The following SEL1L2 variants were observed in gnomAD, a reference collection of about 807,000 sequenced individuals.
The protein encoded by SEL1L2 is protein sel-1 homolog 2.
In SEL1L2, 89 loss-of-function variants were observed where a neutral mutation model predicts 98.8. The ratio of observed to expected loss-of-function variants is 0.90; its 90% CI spans 0.76 to 1.07. The LOEUF (loss-of-function observed/expected upper bound fraction) is 1.07, where lower values mean the gene tolerates loss of function less well. Among genes scored for constraint, SEL1L2 ranks in the 50% least tolerant of loss-of-function variants. The probability of loss-of-function intolerance (pLI) is 0.00; values close to 1 mark genes in which losing one functional copy is unlikely to be tolerated. For synonymous variants in SEL1L2, 262 were observed against 278.5 expected, an observed-to-expected ratio of 0.94 and a Z score of 0.59; for missense variants, 788 against 812.0, an observed-to-expected ratio of 0.97 and a Z score of 0.36.
At chr20:13,949,702 CA>C (rs1399140632) in intron 2 of SEL1L2, among the ~76,000 whole-genome samples, 1 of 124,496 alleles carries the variant, frequency 8.0e-6, no homozygotes, top group South Asian at 2.5e-4. Flanking sequence ...AAAAACCAAA[CA>C]AACAAAAAAG....
rs1180316348 is a variant in SEL1L2 at position 13,865,435 on chromosome 20, AT to A, written c.1483del (p.Ile495Ter). 6.2e-7 allele frequency: 1 copy of A among 1,614,028 alleles called. No homozygotes were observed. The highest frequency in any genetic ancestry group is 8.5e-7 in the Non-Finnish European group (1 of 1,179,964). On this transcript the variant is annotated frameshift_variant, in exon 16 of 20. Coordinates refer to ENST00000284951, the MANE Select transcript of SEL1L2 (RefSeq NM_025229.2). LOFTEE classifies it high-confidence loss of function. ...TAYFAYKDGD[I>X]DSSLVQYALL... ...TGCATACTGAACAAGAGAAGAATCT[AT>A]ATCACCATCCTTATAGGCAAAGTAA...
chr20:13,932,292 T>C (rs774367051), intron 2 of SEL1L2, among the ~76,000 whole-genome samples: 19 of 152,066 alleles, frequency 1.2e-4, no homozygotes, highest in South Asian at 6.2e-4. Context: ...TTCTGAGTAG[T>C]AGAAAATAAT....
At chr20:13,931,919 C>A in intron 2 of SEL1L2, 148 bp from the exon 3 acceptor site, 1 of 527,276 alleles carries the variant, frequency 1.9e-6, no homozygotes, top group Non-Finnish European at 3.1e-6. Context: ...ATCAAAATGA[C>A]AGATGGCTTA....
chr20:13,882,559 C>G (rs537699774), intron 10 of SEL1L2, among the ~76,000 whole-genome samples: 1 of 152,120 alleles, frequency 6.6e-6, no homozygotes, highest in Non-Finnish European at 1.5e-5. Flanking sequence ...CAGTCATTCT[C>G]GCAGTCACAG....
At chr20:13,864,518 C>T (rs958568371) in intron 17 of SEL1L2, among the ~76,000 whole-genome samples, 3 of 152,100 alleles carry the variant, frequency 2.0e-5, no homozygotes, top group African/African-American at 4.8e-5. Context: ...TAAGAGACAT[C>T]GCAATGCAAT....
chr20:13,867,357 C>T (rs540469566), intron 14 of SEL1L2, among the ~76,000 whole-genome samples: 13 of 152,336 alleles, frequency 8.5e-5, no homozygotes, highest in Non-Finnish European at 1.3e-4. Flanking sequence ...GAGCAGAGAA[C>T]CAGCAGACTC....
intron 18 of SEL1L2, among the ~76,000 whole-genome samples, chr20:13,857,481 C>T (rs1410582368): frequency 6.6e-6 from 1 of 152,266 alleles, no homozygotes; most frequent in Non-Finnish European, 1.5e-5. Flanking sequence ...CAGCTGGGCA[C>T]TGGCCAGCAG....
chr20:13,930,822 T>G (rs1392150674), intron 3 of SEL1L2, among the ~76,000 whole-genome samples: 1 of 152,124 alleles, frequency 6.6e-6, no homozygotes, highest in Non-Finnish European at 1.5e-5. Context: ...CTATTGCTCT[T>G]ATTAGCAGTG....
At chr20:13,913,655 A>T in intron 5 of SEL1L2, 127 bp downstream of exon 5, 1 of 837,112 alleles carries the variant, frequency 1.2e-6, no homozygotes, top group Non-Finnish European at 1.7e-6. Context: ...TCAGTGCATT[A>T]TGGTAACCTC....
intron 1 of SEL1L2, among the ~76,000 whole-genome samples, chr20:13,969,331 T>C (rs1051358804): frequency 3.3e-5 from 5 of 152,202 alleles, no homozygotes; most frequent in African/African-American, 7.2e-5. Context: ...CATCACTTTC[T>C]CAAGCTCCAA....
intron 12 of SEL1L2, among the ~76,000 whole-genome samples, chr20:13,870,503 A>G (rs1310334903): frequency 6.6e-6 from 1 of 152,214 alleles, no homozygotes; most frequent in Non-Finnish European, 1.5e-5. Context: ...GGTGAAAGGT[A>G]AAAGATGAAG....
intron 1 of SEL1L2, among the ~76,000 whole-genome samples, chr20:13,976,363 G>T (rs1420473313): frequency 2.6e-5 from 4 of 152,010 alleles, no homozygotes; most frequent in Non-Finnish European, 5.9e-5. Flanking sequence ...ACTTAAGATA[G>T]ACCTTAAAAG....
At chr20:13,939,040 G>GTTTTTTTTTTTTT (rs386365633) in intron 2 of SEL1L2, among the ~76,000 whole-genome samples, 11 of 114,084 alleles carry the variant, frequency 9.6e-5, no homozygotes, top group African/African-American at 3.8e-4. Context: ...TGCTTGTTTT[G>GTTTTTTTTTTTTT]TTTTTTTTTT....
intron 1 of SEL1L2, among the ~76,000 whole-genome samples, chr20:13,959,422 G>T (rs2050685404): frequency 6.6e-6 from 1 of 152,140 alleles, no homozygotes; most frequent in African/African-American, 2.4e-5. Flanking sequence ...TGACATCTGA[G>T]AAGTATGCTC....
At chr20:13,938,300 C>T (rs1038886768) in intron 2 of SEL1L2, among the ~76,000 whole-genome samples, 14 of 151,940 alleles carry the variant, frequency 9.2e-5, no homozygotes, top group African/African-American at 3.1e-4. Flanking sequence ...AGGCTCATCT[C>T]GAACCCCTGA....
intron 1 of SEL1L2, among the ~76,000 whole-genome samples, chr20:13,957,650 C>T (rs2050601963): frequency 1.3e-5 from 2 of 152,062 alleles, no homozygotes; most frequent in African/African-American, 2.4e-5. Flanking sequence ...GACAAGGTGG[C>T]CGGCTCCCTT....
chr20:13,881,189 T>G (rs1218661907), intron 10 of SEL1L2, among the ~76,000 whole-genome samples: 1 of 152,128 alleles, frequency 6.6e-6, no homozygotes, highest in Non-Finnish European at 1.5e-5. Context: ...AATTTTTGTA[T>G]TTTTAGTAGA....
At chr20:13,939,337 C>T (rs2049634759) in intron 2 of SEL1L2, among the ~76,000 whole-genome samples, 2 of 152,016 alleles carry the variant, frequency 1.3e-5, no homozygotes, top group Non-Finnish European at 2.9e-5. Flanking sequence ...GCCACCACGC[C>T]TGGCCAAAAT....
At chr20:13,967,713 C>T (rs1274682734) in intron 1 of SEL1L2, among the ~76,000 whole-genome samples, 1 of 152,168 alleles carries the variant, frequency 6.6e-6, no homozygotes, top group African/African-American at 2.4e-5. Flanking sequence ...CACAGCTTTT[C>T]TCTTCTCCAG....
Sources: gnomAD v4.1 joint callset for allele counts (sites outside exome capture counted in the v4.1 genomes callset) on GRCh38, gnomAD v4.1.1 for gene constraint, MANE v1.5 for transcripts, NCBI Gene and HGNC (gene_info 2026-07-23, HGNC 2026-07-21) for gene names.